TEX11: variants seen among roughly 807,000 people sequenced by gnomAD.
TEX11 encodes the protein testis-expressed protein 11.
In TEX11, 7 loss-of-function variants were observed where a neutral mutation model predicts 84.4. The observed-to-expected ratio is 0.08, with a 90% CI of 0.05 to 0.16. TEX11 has a LOEUF of 0.16. Among genes scored for constraint, TEX11 ranks in the 10% least tolerant of loss-of-function variants. The probability of loss-of-function intolerance (pLI) is 1.00; values close to 1 mark genes in which losing one functional copy is unlikely to be tolerated. For missense variants in TEX11, 551 were observed against 660.5 expected, an observed-to-expected ratio of 0.83 and a Z score of 1.82; for synonymous variants, 264 against 222.8, an observed-to-expected ratio of 1.18 and a Z score of -1.64.
intron 8 of TEX11, among the ~76,000 whole-genome samples, chrX:70,820,531 G>A (rs1320003502): frequency 3.6e-5 from 4 of 112,067 alleles, no homozygotes; most frequent in African/African-American, 9.7e-5. Flanking sequence ...GGCTGTACAA[G>A]AATGGCACCA....
intron 14 of TEX11, 99 bp downstream of exon 14, chrX:70,682,575 A>G (rs1400352319): frequency 8.6e-6 from 8 of 929,631 alleles, no homozygotes; most frequent in Non-Finnish European, 8.9e-6. Flanking sequence ...AAGGAAGTGG[A>G]AGAAATCCAT....
intron 17 of TEX11, among the ~76,000 whole-genome samples, chrX:70,647,498 G>T (rs1183886713): frequency 9.1e-6 from 1 of 109,926 alleles, no homozygotes; most frequent in Non-Finnish European, 1.9e-5. Context: ...GATTGCTTGA[G>T]CCCAGGAGTT....
intron 7 of TEX11, among the ~76,000 whole-genome samples, chrX:70,850,751 T>C (rs1251358010): frequency 1.9e-5 from 2 of 107,500 alleles, no homozygotes; most frequent in African/African-American, 3.4e-5. Flanking sequence ...CAAGATCCTG[T>C]CTCTAAAACA....
chrX:70,858,316 C>T (rs76263536), intron 5 of TEX11, among the ~76,000 whole-genome samples: 5,729 of 107,770 alleles, frequency 0.053, 255 homozygotes, highest in East Asian at 0.16. Context: ...GGTGCAGTGG[C>T]CTGTAATCCC....
intron 28 of TEX11, among the ~76,000 whole-genome samples, chrX:70,539,038 A>ATTTTT (rs775537536): frequency 4.9e-4 from 20 of 41,221 alleles, no homozygotes; most frequent in African/African-American, 1.4e-3. Context: ...ATATATATAT[A>ATTTTT]TTTTTTTTTT....
intron 25 of TEX11, among the ~76,000 whole-genome samples, chrX:70,572,699 T>C (rs950047800): frequency 1.8e-5 from 2 of 109,221 alleles, no homozygotes; most frequent in Non-Finnish European, 3.8e-5. Context: ...ATGTCCTTTG[T>C]AGGGACATGG....
chrX:70,511,484 G>A, the TEX11 span, among the ~76,000 whole-genome samples: 1 of 111,268 alleles, frequency 9.0e-6, no homozygotes, highest in Non-Finnish European at 1.9e-5. Flanking sequence ...GCCAGGCACA[G>A]TGGCTTATGC....
intron 7 of TEX11, among the ~76,000 whole-genome samples, chrX:70,847,509 AT>A (rs1217093657): frequency 9.1e-6 from 1 of 110,186 alleles, no homozygotes; most frequent in Admixed American, 9.7e-5. Flanking sequence ...CATCTCTGGT[AT>A]TCCTTCTTTT....
intron 11 of TEX11, among the ~76,000 whole-genome samples, chrX:70,730,665 G>A (rs915485983): frequency 2.8e-4 from 31 of 111,576 alleles, no homozygotes; most frequent in African/African-American, 8.8e-4. Context: ...AGTCCTTAGA[G>A]ACCTACAAAG....
chrX:70,711,346 T>A (rs1175877708), intron 13 of TEX11, among the ~76,000 whole-genome samples: 20 of 110,703 alleles, frequency 1.8e-4, no homozygotes, highest in Non-Finnish European at 3.2e-4. Flanking sequence ...TAGTTCTAGA[T>A]CCCTGAGGAA....
intron 25 of TEX11, among the ~76,000 whole-genome samples, chrX:70,558,060 T>C (rs187033782): frequency 2.7e-5 from 3 of 110,966 alleles, no homozygotes; most frequent in African/African-American, 6.6e-5. Context: ...GAGAGGAGAA[T>C]TGCTTGAACC....
At chrX:70,558,422 C>A (rs765578586) in intron 25 of TEX11, among the ~76,000 whole-genome samples, 3 of 111,093 alleles carry the variant, frequency 2.7e-5, no homozygotes, top group Admixed American at 9.6e-5. Flanking sequence ...AGAATTAACT[C>A]GAAATAGATC....
intron 9 of TEX11, among the ~76,000 whole-genome samples, chrX:70,770,078 A>G (rs1281886030): frequency 1.8e-5 from 2 of 111,187 alleles, no homozygotes; most frequent in Non-Finnish European, 3.8e-5. Context: ...TCATTAACAA[A>G]TTTTCTGCCA....
intron 25 of TEX11, among the ~76,000 whole-genome samples, chrX:70,590,960 G>C (rs916582073): frequency 9.0e-6 from 1 of 110,571 alleles, no homozygotes; most frequent in East Asian, 2.9e-4. Flanking sequence ...TGTTGGTCAG[G>C]CTGGCCTCAA....
In TEX11 at chrX:70,606,946, A is replaced by T. The variant is rs2089201643; in HGVS notation, c.1950+13T>A. On this transcript the variant is annotated intron_variant, in intron 23 of 29. Coordinates refer to ENST00000374333, the MANE Select transcript of TEX11 (RefSeq NM_031276.3). ...GTGGTCCATACATGAGATACTTATT[A>T]AAAGAAACTTACCTTATAAGAAAGT... The T allele has an allele frequency of 1.7e-6, 2 of 1,147,179 alleles. No homozygotes were observed. Among genetic ancestry groups the T allele is most frequent in the African/African-American group, 3.6e-5 (2 of 55,272 alleles). The allele number at this position is 1,147,179 out of a possible 1,213,427, so 94.5% of individuals were successfully genotyped here. A position where few individuals can be genotyped will look rare whatever the true frequency, so the allele number is the denominator to read the frequency against.
At chrX:70,744,525 TA>T (rs1271572531) in intron 9 of TEX11, among the ~76,000 whole-genome samples, 135 of 108,795 alleles carry the variant, frequency 1.2e-3, no homozygotes, top group Non-Finnish European at 2.3e-3. Flanking sequence ...TATACTGCAC[TA>T]AATAGGTATA....
chrX:70,805,728 C>A, intron 9 of TEX11, among the ~76,000 whole-genome samples: 1 of 111,459 alleles, frequency 9.0e-6, no homozygotes, highest in East Asian at 2.8e-4. Context: ...ATATTCAAAG[C>A]ACTGCACCTT....
chrX:70,751,501 GA>G (rs2090825064), intron 9 of TEX11, among the ~76,000 whole-genome samples: 1 of 68,171 alleles, frequency 1.5e-5, no homozygotes, highest in Non-Finnish European at 2.6e-5. Context: ...GGGGAGGGGG[GA>G]GGGATAGCAT....
chrX:70,606,053 C>T (rs967825007), intron 23 of TEX11, among the ~76,000 whole-genome samples: 1 of 112,287 alleles, frequency 8.9e-6, no homozygotes, highest in Non-Finnish European at 1.9e-5. Flanking sequence ...TCCTACAAGT[C>T]CCATCACAAA....
Sources: gnomAD v4.1 joint callset for allele counts (sites outside exome capture counted in the v4.1 genomes callset) on GRCh38, gnomAD v4.1.1 for gene constraint, MANE v1.5 for transcripts, NCBI Gene and HGNC (gene_info 2026-07-23, HGNC 2026-07-21) for gene names.